CMIP: variants seen among roughly 807,000 people sequenced by gnomAD.
The protein encoded by CMIP is c-Maf inducing protein.
Under a neutral mutation model 97.3 loss-of-function variants are expected in CMIP, and 13 were observed. That is an observed-to-expected ratio of 0.13 (90% confidence interval 0.09 to 0.21). The LOEUF is 0.21. CMIP is among the 10% of genes least tolerant of loss of function. The probability of loss-of-function intolerance (pLI) is 1.00; values close to 1 mark genes in which losing one functional copy is unlikely to be tolerated. For missense variants in CMIP, 847 were observed against 1,024.9 expected, an observed-to-expected ratio of 0.83 and a Z score of 2.37; for synonymous variants, 538 against 436.3, an observed-to-expected ratio of 1.23 and a Z score of -2.91.
intron 1 of CMIP, among the ~76,000 whole-genome samples, chr16:81,500,260 TTCCTTCCTTCCG>T (rs904934478): frequency 3.6e-5 from 5 of 138,802 alleles, no homozygotes; most frequent in Non-Finnish European, 6.4e-5. Context: ...CCTTCCGTCC[TTCCTTCCTTCCG>T]TCCTTCCTTC....
chr16:81,554,690 C>T (rs538347840), intron 1 of CMIP, among the ~76,000 whole-genome samples: 2 of 152,174 alleles, frequency 1.3e-5, no homozygotes, highest in Non-Finnish European at 2.9e-5. Flanking sequence ...CCTGCAGCCA[C>T]TTCTCTGGCT....
intron 1 of CMIP, among the ~76,000 whole-genome samples, chr16:81,595,475 G>A (rs1179048102): frequency 6.7e-6 from 1 of 148,274 alleles, no homozygotes; most frequent in Non-Finnish European, 1.5e-5. Flanking sequence ...TGCAGCTTCT[G>A]CCTGCCCTGT....
chr16:81,533,709 G>A (rs1008349330), intron 1 of CMIP, among the ~76,000 whole-genome samples: 1 of 152,144 alleles, frequency 6.6e-6, no homozygotes. Context: ...AAACTCCTGA[G>A]CTCAGGCAGT....
chr16:81,574,357 A>G (rs1345566162), intron 1 of CMIP, among the ~76,000 whole-genome samples: 2 of 152,216 alleles, frequency 1.3e-5, no homozygotes, highest in Non-Finnish European at 2.9e-5. Context: ...TCACAGCCCC[A>G]GGAGTCCTGC....
chr16:81,606,222 G>A (rs1224487160), intron 1 of CMIP, among the ~76,000 whole-genome samples: 1 of 152,188 alleles, frequency 6.6e-6, no homozygotes, highest in Non-Finnish European at 1.5e-5. Flanking sequence ...CTAGCTAGAT[G>A]ACCTTGGGCA....
At chr16:81,524,817 G>C (rs1321415370) in intron 1 of CMIP, among the ~76,000 whole-genome samples, 1 of 146,344 alleles carries the variant, frequency 6.8e-6, no homozygotes, top group Admixed American at 6.8e-5. Flanking sequence ...TTTTTGAGAT[G>C]GAGTCTCATT....
At chr16:81,564,190 C>T (rs992278731) in intron 1 of CMIP, among the ~76,000 whole-genome samples, 1 of 152,192 alleles carries the variant, frequency 6.6e-6, no homozygotes, top group Non-Finnish European at 1.5e-5. Context: ...AGAATGCCGC[C>T]CTCACACAGG....
intron 1 of CMIP, among the ~76,000 whole-genome samples, chr16:81,482,178 C>T (rs1458910669): frequency 1.3e-5 from 2 of 152,170 alleles, no homozygotes; most frequent in Non-Finnish European, 2.9e-5. Flanking sequence ...CGGGCCTGTC[C>T]CTGCCGCCTC....
rs934725407 is a variant in CMIP, at chr16:81,660,921, C to G, written c.719C>G (p.Pro240Arg). The G allele has an allele frequency of 1.2e-6, 2 of 1,613,968 alleles. No homozygotes were observed. The highest frequency in any genetic ancestry group is 1.7e-6 in the Non-Finnish European group (2 of 1,179,890). ...APLLENNHPPPDLCEFFCKHC... is the reference protein window; with the variant it reads ...APLLENNHPPRDLCEFFCKHC... ...TTGCTGGAAAACAACCACCCACCACCAGATCTCTGTGAATTCTTTTGCAAG... is the reference window on the plus strand; with the variant it reads ...TTGCTGGAAAACAACCACCCACCACGAGATCTCTGTGAATTCTTTTGCAAG... The change falls in exon 6 of 21, where the codon CCA becomes CGA. Residue 240 changes from proline (P) to arginine (R), a missense_variant. By Grantham distance (103) the Pro-to-Arg change is moderately radical. Around this residue, in one of 4 missense-constraint regions of CMIP, gnomAD observed 285 missense variants for 392.2 expected, o/e 0.73. Transcript: ENST00000537098.
At chr16:81,480,296 T>C (rs574679740) in intron 1 of CMIP, among the ~76,000 whole-genome samples, 1 of 152,268 alleles carries the variant, frequency 6.6e-6, no homozygotes, top group East Asian at 1.9e-4. Flanking sequence ...TCCCAGCACT[T>C]TGGGAGGCCG....
chr16:81,669,481 C>G (rs1436593554), intron 7 of CMIP, among the ~76,000 whole-genome samples: 2 of 142,342 alleles, frequency 1.4e-5, no homozygotes, highest in Non-Finnish European at 3.1e-5. Context: ...CCACACCCAC[C>G]TCTCTCACCT....
intron 1 of CMIP, among the ~76,000 whole-genome samples, chr16:81,585,835 G>T (rs781649722): frequency 9.9e-5 from 15 of 152,134 alleles, no homozygotes; most frequent in Admixed American, 2.0e-4. Context: ...TCAAGATTCG[G>T]CTGTGAGCAG....
At chr16:81,459,550 C>G (rs1906779152) in intron 1 of CMIP, among the ~76,000 whole-genome samples, 1 of 152,216 alleles carries the variant, frequency 6.6e-6, no homozygotes, top group Non-Finnish European at 1.5e-5. Flanking sequence ...CTTTCAGCAG[C>G]AGTGCTTGGG....
intron 3 of CMIP, chr16:81,645,310 C>T (rs1377264166): frequency 6.5e-6 from 8 of 1,238,788 alleles, no homozygotes; most frequent in Non-Finnish European, 8.5e-6. Context: ...CGCGCCCGTG[C>T]AGCGTCCTCT....
intron 14 of CMIP, among the ~76,000 whole-genome samples, chr16:81,699,010 G>A (rs1907082569): frequency 6.6e-6 from 1 of 152,216 alleles, no homozygotes; most frequent in Non-Finnish European, 1.5e-5. Context: ...CCAGCACTGT[G>A]GGAAGCCGAG....
chr16:81,492,723 T>A (rs2089424746), intron 1 of CMIP, among the ~76,000 whole-genome samples: 1 of 150,602 alleles, frequency 6.6e-6, no homozygotes, highest in African/African-American at 2.5e-5. Flanking sequence ...AGACAAAGGC[T>A]GGCAAAAATA....
chr16:81,707,156 C>T, intron 20 of CMIP, 72 bp downstream of exon 20: 1 of 1,224,668 alleles, frequency 8.2e-7, no homozygotes, highest in South Asian at 1.2e-5. Flanking sequence ...GGTGCATCTC[C>T]TGCACAGAGC....
intron 1 of CMIP, among the ~76,000 whole-genome samples, chr16:81,514,303 G>A (rs1054398949): frequency 8.5e-5 from 13 of 152,198 alleles, no homozygotes; most frequent in East Asian, 1.9e-4. Flanking sequence ...TTGTGGGGGC[G>A]TGTGGCCACC....
At chr16:81,462,865 G>A (rs1239887781) in intron 1 of CMIP, among the ~76,000 whole-genome samples, 1 of 152,192 alleles carries the variant, frequency 6.6e-6, no homozygotes, top group Non-Finnish European at 1.5e-5. Context: ...ACCTTGGGCT[G>A]CCTCACCTCC....
Sources: gnomAD v4.1 joint callset for allele counts (sites outside exome capture counted in the v4.1 genomes callset) on GRCh38, gnomAD v4.1.1 for gene constraint, gnomAD v4.1.1 regional missense constraint, MANE v1.5 for transcripts, NCBI Gene and HGNC (gene_info 2026-07-23, HGNC 2026-07-21) for gene names.